The following RABGAP1L variants were observed in gnomAD, a reference collection of about 807,000 sequenced individuals.
RABGAP1L encodes RAB GTPase activating protein 1 like.
Under a neutral mutation model 137.7 loss-of-function variants are expected in RABGAP1L, and 63 were observed. The ratio of observed to expected loss-of-function variants is 0.46; its 90% CI spans 0.37 to 0.56. The LOEUF (loss-of-function observed/expected upper bound fraction) is 0.56. Among genes scored for constraint, RABGAP1L ranks in the 20% least tolerant of loss-of-function variants. The pLI is 0.00. For missense variants in RABGAP1L, 1,095 were observed against 1,244.0 expected (o/e 0.88, Z 1.80); for synonymous variants, 431 against 433.7 (o/e 0.99, Z 0.08).
At chr1:174,221,211 A>G in intron 3 of RABGAP1L, 47 bp downstream of exon 3, 1 of 1,342,108 alleles carries the variant, frequency 7.5e-7, no homozygotes, top group Non-Finnish European at 9.8e-7. Context: ...GGGATAAAGT[A>G]ATAGTGAAAA....
At chr1:174,726,539 G>C (rs1163382617) in intron 17 of RABGAP1L, among the ~76,000 whole-genome samples, 1 of 151,866 alleles carries the variant, frequency 6.6e-6, no homozygotes, top group Non-Finnish European at 1.5e-5. Context: ...AGGATAAAGA[G>C]AGGGAAAAAA....
rs57986877 is a variant in RABGAP1L at position 174,427,144 on chromosome 1, ATGTGTGTGTGTGTG to A, written c.1710+33026_1710+33039del. Among the ~76,000 whole-genome samples, 214 of 144,682 alleles carry A rather than the reference ATGTGTGTGTGTGTG, an allele frequency of 1.5e-3. 1 individual carries two copies. The East Asian group carries it at 0.019, about 13-fold the overall frequency. The allele number at this position is 144,682 out of a possible 152,430, so 94.9% of individuals were successfully genotyped here. A position where few individuals can be genotyped will look rare whatever the true frequency, so the allele number is the denominator to read the frequency against. On this transcript the variant is annotated intron_variant, in intron 13 of 25. Transcript: ENST00000681986. ...GTTTAACATAAACCTCCGCATGTTT[ATGTGTGTGTGTGTG>A]TGTGTGTGTGTGTGTGTGTGTGTGT...
chr1:174,988,291 G>A (rs1286597275), intron 24 of RABGAP1L, among the ~76,000 whole-genome samples: 1 of 152,136 alleles, frequency 6.6e-6, no homozygotes, highest in Non-Finnish European at 1.5e-5. Flanking sequence ...TACTTATACA[G>A]TTGCTCTAGG....
At chr1:174,302,481 T>G (rs12067852) in intron 10 of RABGAP1L, among the ~76,000 whole-genome samples, 4 of 152,026 alleles carry the variant, frequency 2.6e-5, no homozygotes, top group Non-Finnish European at 5.9e-5. Context: ...TAAAAAGACA[T>G]GAAATGGTAC....
At chr1:174,747,485 T>C (rs1344576046) in intron 17 of RABGAP1L, among the ~76,000 whole-genome samples, 1 of 152,040 alleles carries the variant, frequency 6.6e-6, no homozygotes, top group East Asian at 1.9e-4. Flanking sequence ...TTAAAGTGTA[T>C]TTGTTTGCAT....
intron 13 of RABGAP1L, among the ~76,000 whole-genome samples, chr1:174,427,426 T>C (rs1652093925): frequency 6.6e-6 from 1 of 152,160 alleles, no homozygotes; most frequent in Non-Finnish European, 1.5e-5. Flanking sequence ...CCTAATGTAT[T>C]TATTCTTTCC....
chr1:174,867,854 A>G (rs994790209), intron 19 of RABGAP1L, among the ~76,000 whole-genome samples: 1 of 152,212 alleles, frequency 6.6e-6, no homozygotes, highest in African/African-American at 2.4e-5. Context: ...CATGTTGTTC[A>G]GGCTGGTCTC....
chr1:174,892,395 A>G (rs1656330953), intron 19 of RABGAP1L: 1 of 387,028 alleles, frequency 2.6e-6, no homozygotes, highest in South Asian at 2.0e-5. Flanking sequence ...CAGCTCCACC[A>G]CTATAATCCC....
At chr1:174,560,494 G>A (rs932415834) in intron 13 of RABGAP1L, among the ~76,000 whole-genome samples, 4 of 152,194 alleles carry the variant, frequency 2.6e-5, no homozygotes, top group Non-Finnish European at 4.4e-5. Flanking sequence ...TTTGTAAGTC[G>A]TGTTAATTGT....
intron 9 of RABGAP1L, among the ~76,000 whole-genome samples, chr1:174,278,327 G>T (rs945051633): frequency 1.3e-5 from 2 of 152,046 alleles, no homozygotes; most frequent in African/African-American, 2.4e-5. Context: ...AATTGCTTGA[G>T]CCCTGGAGGC....
At chr1:174,230,829 T>C (rs1238582763) in intron 3 of RABGAP1L, among the ~76,000 whole-genome samples, 1 of 152,164 alleles carries the variant, frequency 6.6e-6, no homozygotes, top group Non-Finnish European at 1.5e-5. Flanking sequence ...TTGTACTCTA[T>C]CTTTTTGAGT....
chr1:174,335,270 G>A (rs1681381678), intron 11 of RABGAP1L, among the ~76,000 whole-genome samples: 1 of 152,186 alleles, frequency 6.6e-6, no homozygotes, highest in Non-Finnish European at 1.5e-5. Flanking sequence ...GGGAATTAGA[G>A]TATTCTTTTA....
At chr1:174,682,992 C>T (rs1257895392) in intron 14 of RABGAP1L, among the ~76,000 whole-genome samples, 1 of 150,960 alleles carries the variant, frequency 6.6e-6, no homozygotes, top group Non-Finnish European at 1.5e-5. Flanking sequence ...TTTTACTCTT[C>T]AGCCTTCATG....
intron 7 of RABGAP1L, among the ~76,000 whole-genome samples, chr1:174,259,522 A>G (rs1437509206): frequency 1.3e-5 from 2 of 152,226 alleles, no homozygotes; most frequent in African/African-American, 2.4e-5. Context: ...CTAAATCAAT[A>G]AAAAGTATAT....
intron 13 of RABGAP1L, among the ~76,000 whole-genome samples, chr1:174,635,227 C>T (rs190020696): frequency 3.9e-5 from 6 of 152,202 alleles, no homozygotes; most frequent in Admixed American, 3.3e-4. Context: ...TACAGTCCAA[C>T]GATTTCTCTC....
intron 13 of RABGAP1L, among the ~76,000 whole-genome samples, chr1:174,617,175 A>C (rs1235146169): frequency 1.3e-5 from 2 of 152,212 alleles, no homozygotes; most frequent in Non-Finnish European, 2.9e-5. Flanking sequence ...AATGTAGAAG[A>C]AAAATCTCTA....
At chr1:174,438,776 A>ATATATATATATATT in intron 13 of RABGAP1L, among the ~76,000 whole-genome samples, 1 of 140,882 alleles carries the variant, frequency 7.1e-6, no homozygotes, top group African/African-American at 2.7e-5. Context: ...ATATATATAT[A>ATATATATATATATT]TGACTTTTTA....
At chr1:174,365,670 G>A (rs918562837) in intron 11 of RABGAP1L, among the ~76,000 whole-genome samples, 2 of 152,178 alleles carry the variant, frequency 1.3e-5, no homozygotes, top group Non-Finnish European at 2.9e-5. Flanking sequence ...TCCCCAAAGT[G>A]TACAAATTGC....
At chr1:174,424,883 A>C (rs1038999871) in intron 13 of RABGAP1L, among the ~76,000 whole-genome samples, 2 of 152,034 alleles carry the variant, frequency 1.3e-5, no homozygotes, top group African/African-American at 4.8e-5. Flanking sequence ...AATTGGATCC[A>C]AATTTTTTGT....
Sources: gnomAD v4.1 joint callset for allele counts (sites outside exome capture counted in the v4.1 genomes callset) on GRCh38, gnomAD v4.1.1 for gene constraint, MANE v1.5 for transcripts, NCBI Gene and HGNC (gene_info 2026-07-23, HGNC 2026-07-21) for gene names.